The following NUP93 variants were observed in gnomAD, a reference collection of about 807,000 sequenced individuals.
NUP93 encodes nuclear pore complex protein Nup93.
Under a neutral mutation model 107.8 loss-of-function variants are expected in NUP93, and 55 were observed. The ratio of observed to expected loss-of-function variants is 0.51; its 90% CI spans 0.41 to 0.64. The LOEUF is 0.64. Ranked by LOEUF, NUP93 falls within the 30% of genes least tolerant of loss-of-function variation. The probability of loss-of-function intolerance (pLI) is 0.00; values close to 1 mark genes in which losing one functional copy is unlikely to be tolerated. For missense variants in NUP93, 937 were observed against 1,044.7 expected, an observed-to-expected ratio of 0.90 and a Z score of 1.42; for synonymous variants, 390 against 397.5, an observed-to-expected ratio of 0.98 and a Z score of 0.22.
intron 3 of NUP93, among the ~76,000 whole-genome samples, chr16:56,765,655 A>G (rs1198244680): frequency 6.6e-6 from 1 of 152,198 alleles, no homozygotes; most frequent in African/African-American, 2.4e-5. Context: ...TTTGTCCCCT[A>G]TATGAACACA....
chr16:56,812,877 C>T (rs1328837905), intron 5 of NUP93, among the ~76,000 whole-genome samples: 2 of 152,184 alleles, frequency 1.3e-5, no homozygotes, highest in Non-Finnish European at 2.9e-5. Context: ...ATCTGCTCAG[C>T]ATGAGGAAGA....
At position 56,844,670 on chromosome 16, in the gene NUP93, A is replaced by G. The variant is rs572324624; in HGVS notation, c.*61A>G. ...GTCAGTACATCAGGCACATGGGCCC[A>G]CTAGGCTGGGGTTTCTGGTTTTGTT... On this transcript the variant is annotated 3_prime_UTR_variant, in exon 22 of 22. Transcript: ENST00000308159. 1.3e-4 allele frequency: 135 copies of G among 1,039,778 alleles called. No individual in the cohort carries two copies. In the African/African-American group the frequency reaches 1.8e-3, roughly 14 times the overall value. 64.4% of individuals were successfully genotyped at this position (1,039,778 alleles called of 1,614,324 possible).
Position 56,827,380 on chromosome 16 carries a change from G to A in NUP93, c.795-1597G>A, listed in dbSNP as rs569400511. ...CCAGTGTAATAACTGGTGCGGCAAGGACCATCAATGGAAAGTAAAACCGTT... is the reference window on the plus strand; with the variant it reads ...CCAGTGTAATAACTGGTGCGGCAAGAACCATCAATGGAAAGTAAAACCGTT... On this transcript the variant is annotated intron_variant, in intron 8 of 21. Transcript: ENST00000308159. Among the ~76,000 whole-genome samples, 15 of 152,282 alleles carry A rather than the reference G, an allele frequency of 9.9e-5. No individual in the cohort carries two copies. In the East Asian group the frequency reaches 2.7e-3, roughly 27 times the overall value.
chr16:56,749,302 C>G (rs1441113761), intron 2 of NUP93, among the ~76,000 whole-genome samples: 1 of 152,216 alleles, frequency 6.6e-6, no homozygotes, highest in Non-Finnish European at 1.5e-5. Context: ...TCACAACCAT[C>G]ATTAGGCTAC....
chr16:56,769,116 G>C (rs1232859861), intron 3 of NUP93, among the ~76,000 whole-genome samples: 1 of 152,174 alleles, frequency 6.6e-6, no homozygotes, highest in Non-Finnish European at 1.5e-5. Context: ...GTCCAATACT[G>C]TGCTCTTAGC....
intron 3 of NUP93, among the ~76,000 whole-genome samples, chr16:56,765,829 T>G (rs1962206971): frequency 6.6e-6 from 1 of 152,246 alleles, no homozygotes; most frequent in African/African-American, 2.4e-5. Context: ...GTTTCATGTT[T>G]ATAATTAGGT....
intron 3 of NUP93, among the ~76,000 whole-genome samples, chr16:56,768,767 T>C (rs1310176814): frequency 6.7e-6 from 1 of 149,754 alleles, no homozygotes; most frequent in Non-Finnish European, 1.5e-5. Flanking sequence ...CTCGGGAGGC[T>C]GAGGCAGGAG....
At chr16:56,743,902 A>G (rs566375282) in intron 1 of NUP93, among the ~76,000 whole-genome samples, 2 of 152,264 alleles carry the variant, frequency 1.3e-5, no homozygotes, top group African/African-American at 4.8e-5. Flanking sequence ...TAGGGAGAGT[A>G]ATTTGTTGCC....
chr16:56,740,640 C>G (rs1961716249), intron 1 of NUP93: 1 of 219,712 alleles, frequency 4.6e-6, no homozygotes. Flanking sequence ...CGGGCAGAGG[C>G]TGCAATCTTG....
intron 2 of NUP93, among the ~76,000 whole-genome samples, chr16:56,756,031 A>G (rs1478510242): frequency 6.6e-6 from 1 of 152,120 alleles, no homozygotes; most frequent in Non-Finnish European, 1.5e-5. Flanking sequence ...ATCACAACTA[A>G]TCACAGTCGT....
rs553781678 is a variant in NUP93, at chr16:56,808,751, A to C, written c.489+3119A>C. 3.9e-4 allele frequency among the ~76,000 whole-genome samples: 56 copies of C among 143,938 alleles called. 2 individuals carry two copies. Among genetic ancestry groups the C allele is most frequent in the African/African-American group, 1.3e-3 (53 of 39,732 alleles). 94.4% of individuals were successfully genotyped at this position (143,938 alleles called of 152,430 possible). On this transcript the variant is annotated intron_variant, in intron 5 of 21. Coordinates refer to ENST00000308159, the MANE Select transcript of NUP93 (RefSeq NM_014669.5). Reference sequence around the variant, plus strand: ...AATACATATATAAAATACATATATAAATATATAAAAATACATATATATAAA... The same window carrying C: ...AATACATATATAAAATACATATATACATATATAAAAATACATATATATAAA...
intron 1 of NUP93, among the ~76,000 whole-genome samples, chr16:56,730,773 C>G (rs572936602): frequency 1.3e-5 from 2 of 152,176 alleles, no homozygotes; most frequent in Non-Finnish European, 2.9e-5. Flanking sequence ...TTACTCCATC[C>G]CGTTCCCTGC....
At chr16:56,803,059 C>T (rs1016198201) in intron 4 of NUP93, among the ~76,000 whole-genome samples, 13 of 148,676 alleles carry the variant, frequency 8.7e-5, no homozygotes, top group Non-Finnish European at 7.4e-5. Flanking sequence ...AGTAGCTTTT[C>T]AGTAACTTTG....
At chr16:56,774,156 T>A (rs1406404044) in intron 3 of NUP93, among the ~76,000 whole-genome samples, 1 of 152,154 alleles carries the variant, frequency 6.6e-6, no homozygotes, top group Non-Finnish European at 1.5e-5. Flanking sequence ...AATCCCATCT[T>A]AGTTAATCAT....
At chr16:56,790,200 A>T (rs1319592032) in intron 3 of NUP93, among the ~76,000 whole-genome samples, 1 of 152,246 alleles carries the variant, frequency 6.6e-6, no homozygotes, top group Admixed American at 6.5e-5. Flanking sequence ...TTCAGTCTGT[A>T]TTCCTTGCAG....
At chr16:56,792,338 GAATA>G (rs1322989356) in intron 3 of NUP93, among the ~76,000 whole-genome samples, 3 of 152,122 alleles carry the variant, frequency 2.0e-5, no homozygotes, top group Non-Finnish European at 4.4e-5. Flanking sequence ...TGGGGGGGAG[GAATA>G]AATGTGCAAA....
intron 3 of NUP93, among the ~76,000 whole-genome samples, chr16:56,770,349 A>C (rs879469086): frequency 1.3e-5 from 2 of 152,196 alleles, no homozygotes; most frequent in Non-Finnish European, 2.9e-5. Flanking sequence ...ATTGGTCACA[A>C]AAAACTTTCA....
chr16:56,840,823 C>T lies in NUP93; in HGVS notation c.2221-882C>T, dbSNP rs546310616. Among the ~76,000 whole-genome samples the T allele has an allele frequency of 7.2e-5, 11 of 152,154 alleles. No homozygotes were observed. The South Asian group carries it at 1.9e-3, about 26-fold the overall frequency. On this transcript the variant is annotated intron_variant, in intron 20 of 21. Coordinates refer to ENST00000308159, the MANE Select transcript of NUP93 (RefSeq NM_014669.5). ...CCAGCCTGGCCAACATGGTAAAATC[C>T]CATCTCTACTAAAAAATACAAAAAT...
At position 56,849,751 on chromosome 16, in the gene NUP93, GTACTA is replaced by G. The variant is rs1317911253; in HGVS notation, c.*5143_*5147del. 5 of 152,246 alleles carry G rather than the reference GTACTA, an allele frequency of 3.3e-5. No individual in the cohort carries two copies. Among genetic ancestry groups the G allele is most frequent in the Non-Finnish European group, 7.3e-5 (5 of 68,050 alleles). The allele number at this position is 152,246 out of a possible 1,614,324, so 9.4% of individuals were successfully genotyped here. On this transcript the variant is annotated 3_prime_UTR_variant, in exon 22 of 22. Transcript: ENST00000308159. ...GCCCTACCTGGGCTTGCCTCTGCTGGTACTAGCTGCCCAGAGACCTTCAGGCCTGC... is the reference window on the plus strand; with the variant it reads ...GCCCTACCTGGGCTTGCCTCTGCTGGGCTGCCCAGAGACCTTCAGGCCTGC...
Sources: gnomAD v4.1 joint callset for allele counts (sites outside exome capture counted in the v4.1 genomes callset) on GRCh38, gnomAD v4.1.1 for gene constraint, MANE v1.5 for transcripts, NCBI Gene and HGNC (gene_info 2026-07-23, HGNC 2026-07-21) for gene names.